PCDHB9: variants seen among roughly 807,000 people sequenced by gnomAD.
PCDHB9 encodes protocadherin beta 9, also known as protocadherin beta-9.
For missense variants in PCDHB9, 1,072 were observed against 995.1 expected, an observed-to-expected ratio of 1.08 and a Z score of -1.04; for synonymous variants, 501 against 439.7, an observed-to-expected ratio of 1.14 and a Z score of -1.75.
rs781941645 is a variant in PCDHB9 at position 141,189,232 on chromosome 5, C to G, written c.1914C>G (p.His638Gln). ...RLLSERDAAK[H>Q]RLVVLVKDNG... The stretch of plus-strand genomic sequence containing the variant: ...TGAGCGAGCGCGACGCGGCCAAGCA[C>G]AGGCTGGTGGTGCTTGTCAAGGACA... The change falls in exon 1 of 1, where the codon CAC (histidine) becomes CAG (glutamine). Residue 638 changes from histidine to glutamine, a missense_variant. His to Gln is a conservative substitution (Grantham distance 24). Transcript: ENST00000316105. 1.6e-4 allele frequency: 265 copies of G among 1,606,796 alleles called. 2 individuals are homozygous for G. Among genetic ancestry groups the G allele is most frequent in the South Asian group, 9.0e-4 (82 of 90,982 alleles).
rs868982093 is a variant in PCDHB9 at position 141,189,976 on chromosome 5, A to C, written c.*264A>C. ...TTGGTCGTTTTAAATGTCTTTATTG[A>C]CTTTAAATTCATTGCCTCTACATTA... On this transcript the variant is annotated 3_prime_UTR_variant, in exon 1 of 1. Coordinates refer to ENST00000316105, the MANE Select transcript of PCDHB9 (RefSeq NM_019119.5). The C allele has an allele frequency of 3.0e-6, 1 of 338,826 alleles. No individual in the cohort carries two copies. The highest frequency in any genetic ancestry group is 5.3e-6 in the Non-Finnish European group (1 of 189,228). The allele number at this position is 338,826 out of a possible 1,614,324, so 21.0% of individuals were successfully genotyped here.
In PCDHB9 at chr5:141,189,634, C is replaced by A; in HGVS notation, c.2316C>A (p.Pro772=). The A allele has an allele frequency of 6.2e-7, 1 of 1,614,080 alleles. No individual in the cohort carries two copies. Residue 772 remains proline (P), a synonymous_variant, in exon 1 of 1, where the codon CCC becomes CCA. Coordinates refer to ENST00000316105, the MANE Select transcript of PCDHB9 (RefSeq NM_019119.5). ...GEFKFLKPIT[P]HLPPHRGGKE... The stretch of plus-strand genomic sequence containing the variant: ...TCAAGTTCTTGAAGCCGATTACCCC[C>A]CACCTCCCGCCCCATAGGGGTGGGA...
At position 141,190,758 on chromosome 5, in the gene PCDHB9, C is replaced by T. The variant is rs944617757; in HGVS notation, c.*1046C>T. ...AAACAAATCAGAGGTTCCTGAGGTT[C>T]CTGTTAAATTTTTAATGGCTAATAG... On this transcript the variant is annotated 3_prime_UTR_variant, in exon 1 of 1. Coordinates refer to ENST00000316105, the MANE Select transcript of PCDHB9 (RefSeq NM_019119.5). The T allele has an allele frequency of 6.6e-6, 1 of 151,748 alleles. No individual in the cohort carries two copies. Among genetic ancestry groups the T allele is most frequent in the South Asian group, 2.1e-4 (1 of 4,818 alleles). 9.4% of individuals were successfully genotyped at this position (151,748 alleles called of 1,614,324 possible).
Position 141,188,748 on chromosome 5 carries a change from A to G in PCDHB9, c.1430A>G (p.Asp477Gly), listed in dbSNP as rs781941871. The change falls in exon 1 of 1, where the codon GAC becomes GGC. Residue 477 changes from aspartate to glycine, a missense_variant. By Grantham distance (94) the Asp-to-Gly change is moderately conservative (BLOSUM62 -1). Coordinates refer to ENST00000316105, the MANE Select transcript of PCDHB9 (RefSeq NM_019119.5). ...ALHIGSVSAT[D>G]RDSGTNAQVT... ...CACATCGGCAGTGTCAGCGCCACAG[A>G]CAGAGACTCAGGCACCAACGCCCAG... 3 of 1,613,106 alleles carry G rather than the reference A, an allele frequency of 1.9e-6. No homozygotes were observed. The highest frequency in any genetic ancestry group is 2.5e-6 in the Non-Finnish European group (3 of 1,180,022).
At position 141,188,558 on chromosome 5, in the gene PCDHB9, A is replaced by G. The variant is rs10040383; in HGVS notation, c.1240A>G (p.Lys414Glu). Residue 414 changes from lysine to glutamate, a missense_variant, in exon 1 of 1, where the codon AAA becomes GAA. By Grantham distance (56) the Lys-to-Glu change is moderately conservative. Transcript: ENST00000316105. ...MTEGALDRES[K>E]AEYNITITVT... ...TGAAGGTGCACTGGACAGAGAGAGCAAAGCTGAGTACAACATCACCATCAC... is the reference window on the plus strand; with the variant it reads ...TGAAGGTGCACTGGACAGAGAGAGCGAAGCTGAGTACAACATCACCATCAC... 310,876 of 1,614,036 alleles carry G rather than the reference A, an allele frequency of 0.19. 33,378 individuals carry two copies. Among genetic ancestry groups the G allele is most frequent in the African/African-American group, 0.42 (31,118 of 74,956 alleles).
rs535867206 is a variant in PCDHB9, at chr5:141,191,249, C to T, written c.*1537C>T. 2 of 151,920 alleles carry T rather than the reference C, an allele frequency of 1.3e-5. No homozygotes were observed. Among genetic ancestry groups the T allele is most frequent in the South Asian group, 4.2e-4 (2 of 4,800 alleles). The allele number at this position is 151,920 out of a possible 1,614,324, so 9.4% of individuals were successfully genotyped here. A position where few individuals can be genotyped will look rare whatever the true frequency, so the allele number is the denominator to read the frequency against. On this transcript the variant is annotated 3_prime_UTR_variant, in exon 1 of 1. Transcript: ENST00000316105. ...AGCCTGGGCAATAAGAGCAAAACTC[C>T]ATCAAAATAAAATAAAATAAAATAT...
chr5:141,188,900 G>A lies in PCDHB9; in HGVS notation c.1582G>A (p.Asp528Asn), dbSNP rs368671656. The change falls in exon 1 of 1, where the codon GAC becomes AAC. Residue 528 changes from aspartate to asparagine, a missense_variant. Asp to Asn is a conservative substitution (Grantham distance 23, BLOSUM62 1). Transcript: ENST00000316105. ...GGACTACGAGGCCCTGCAGGCTTTC[G>A]ACTTCCGCGTGGGCGCCTCAGACCG... ...SLDYEALQAF[D>N]FRVGASDRGS... The A allele has an allele frequency of 2.6e-5, 42 of 1,612,300 alleles. No individual in the cohort carries two copies. In the Admixed American group the frequency reaches 6.5e-4, roughly 25 times the overall value.
chr5:141,188,435 A>G lies in PCDHB9; in HGVS notation c.1117A>G (p.Arg373Gly), dbSNP rs782562345. The part of the protein sequence containing the change: ...IVLAVFKIKD[R>G]DSGENGKTIC... ...ATTGGCTGTTTTTAAGATTAAAGAC[A>G]GAGACTCCGGAGAAAATGGAAAGAC... Residue 373 changes from arginine (R) to glycine (G), a missense_variant, in exon 1 of 1, where the codon AGA becomes GGA. Arg to Gly is a moderately radical substitution (Grantham distance 125, BLOSUM62 -2). Transcript: ENST00000316105. 1.2e-6 allele frequency: 2 copies of G among 1,614,160 alleles called. No homozygotes were observed. Among genetic ancestry groups the G allele is most frequent in the African/African-American group, 1.3e-5 (1 of 75,056 alleles).
chr5:141,191,222 C>G lies in PCDHB9; in HGVS notation c.*1510C>G, dbSNP rs1753896819. ...TGAGCCGAGATTGCACCATTGTACT[C>G]CAGCCTGGGCAATAAGAGCAAAACT... On this transcript the variant is annotated 3_prime_UTR_variant, in exon 1 of 1. Coordinates refer to ENST00000316105, the MANE Select transcript of PCDHB9 (RefSeq NM_019119.5). 1 of 151,888 alleles carries G rather than the reference C, an allele frequency of 6.6e-6. No homozygotes were observed. Among genetic ancestry groups the G allele is most frequent in the African/African-American group, 2.4e-5 (1 of 41,324 alleles). 9.4% of individuals were successfully genotyped at this position (151,888 alleles called of 1,614,324 possible).
rs1554282800 is a variant in PCDHB9, at chr5:141,187,504, G to T, written c.186G>T (p.Arg62Ser). 1.2e-6 allele frequency: 2 copies of T among 1,610,634 alleles called. No homozygotes were observed. The highest frequency in any genetic ancestry group is 2.2e-5 in the East Asian group (1 of 44,824). Residue 62 changes from arginine to serine, a missense_variant, in exon 1 of 1, where the codon AGG becomes AGT. Physicochemically the swap from Arg to Ser is moderately radical, Grantham distance 110. Coordinates refer to ENST00000316105, the MANE Select transcript of PCDHB9 (RefSeq NM_019119.5). ...TAGCAGAGGGGGAGCTGGCTGCAAG[G>T]GGAACCAGGGTGGTTTCCGATGATA... ...LGLAEGELAA[R>S]GTRVVSDDNK...
In PCDHB9 at chr5:141,189,265, G is replaced by A. The variant is rs1554283290; in HGVS notation, c.1947G>A (p.Glu649=). The A allele has an allele frequency of 1.2e-6, 2 of 1,607,824 alleles. No homozygotes were observed. The highest frequency in any genetic ancestry group is 2.2e-5 in the South Asian group (2 of 90,992). ...RLVVLVKDNG[E]PPRSATATLH... is the part of the protein sequence containing the mutation. Reference sequence around the variant, plus strand: ...TGGTGCTTGTCAAGGACAATGGCGAGCCTCCTCGCTCGGCCACCGCCACGC... The same window carrying A: ...TGGTGCTTGTCAAGGACAATGGCGAACCTCCTCGCTCGGCCACCGCCACGC... Residue 649 remains glutamate (E), a synonymous_variant, in exon 1 of 1, where the codon GAG becomes GAA. Transcript: ENST00000316105.
rs1753755647 is a variant in PCDHB9 at position 141,187,179 on chromosome 5, A to G, written c.-140A>G. 3 of 1,161,308 alleles carry G rather than the reference A, an allele frequency of 2.6e-6. No homozygotes were observed. The highest frequency in any genetic ancestry group is 2.5e-5 in the East Asian group (1 of 40,496). 71.9% of individuals were successfully genotyped at this position (1,161,308 alleles called of 1,614,324 possible). A position where few individuals can be genotyped will look rare whatever the true frequency, so the allele number is the denominator to read the frequency against. ...AGGAAACACTGAGACAGATGGGCTG[A>G]GAAGAAGAGCTGTCGAGTCCCTGAT... On this transcript the variant is annotated 5_prime_UTR_variant, in exon 1 of 1. An upstream open reading frame in the 5' UTR loses its in-frame stop. Transcript: ENST00000316105.
Position 141,187,286 on chromosome 5 carries a change from T to C in PCDHB9, c.-33T>C. 1 of 1,591,914 alleles carries C rather than the reference T, an allele frequency of 6.3e-7. No homozygotes were observed. Among genetic ancestry groups the C allele is most frequent in the Non-Finnish European group, 8.6e-7 (1 of 1,166,202 alleles). On this transcript the variant is annotated 5_prime_UTR_variant, in exon 1 of 1. Coordinates refer to ENST00000316105, the MANE Select transcript of PCDHB9 (RefSeq NM_019119.5). ...GATTGCTATTTGTGCTGGGGCAGTGTGATTGAGACTGACATTGAGGAAAGA... is the reference window on the plus strand; with the variant it reads ...GATTGCTATTTGTGCTGGGGCAGTGCGATTGAGACTGACATTGAGGAAAGA...
chr5:141,187,849 T>C lies in PCDHB9; in HGVS notation c.531T>C (p.Phe177=), dbSNP rs1312617830. The change falls in exon 1 of 1, where the codon TTT becomes TTC. Residue 177 remains phenylalanine (F), a synonymous_variant. Coordinates refer to ENST00000316105, the MANE Select transcript of PCDHB9 (RefSeq NM_019119.5). ...IQNYTISSNS[F]FHIKISGSDE... Reference sequence around the variant, plus strand: ...ACTACACGATCAGCTCCAACTCTTTTTTCCATATTAAAATTAGTGGCAGTG... The same window carrying C: ...ACTACACGATCAGCTCCAACTCTTTCTTCCATATTAAAATTAGTGGCAGTG... 46 of 1,614,082 alleles carry C rather than the reference T, an allele frequency of 2.8e-5. No homozygotes were observed. The highest frequency in any genetic ancestry group is 3.6e-5 in the Non-Finnish European group (43 of 1,180,036).
At position 141,188,177 on chromosome 5, in the gene PCDHB9, G is replaced by C; in HGVS notation, c.859G>C (p.Asp287His). 1.2e-6 allele frequency: 2 copies of C among 1,610,748 alleles called. No individual in the cohort carries two copies. Among genetic ancestry groups the C allele is most frequent in the Non-Finnish European group, 1.7e-6 (2 of 1,177,966 alleles). Residue 287 changes from aspartate (D) to histidine (H), a missense_variant, in exon 1 of 1, where the codon GAT (aspartate) becomes CAT (histidine). Transcript: ENST00000316105. Reference sequence around the variant, plus strand: ...CTATTCATTTTTTGATGCTTCTGAAGATATTTTAACAACGTTTCAAATCAA... The same window carrying C: ...CTATTCATTTTTTGATGCTTCTGAACATATTTTAACAACGTTTCAAATCAA... ...VSYSFFDASE[D>H]ILTTFQINPF...
In PCDHB9 at chr5:141,187,220, TA is replaced by T; in HGVS notation, c.-94del. ...AGTCCCTGATTGGGAAAGGAAAAAT[TA>T]AAAACCCTAGATCTCTGGTACACAT... On this transcript the variant is annotated 5_prime_UTR_variant, in exon 1 of 1. Coordinates refer to ENST00000316105, the MANE Select transcript of PCDHB9 (RefSeq NM_019119.5). 7.4e-7 allele frequency: 1 copy of T among 1,351,360 alleles called. No homozygotes were observed. Among genetic ancestry groups the T allele is most frequent in the Non-Finnish European group, 1.0e-6 (1 of 985,034 alleles). The allele number at this position is 1,351,360 out of a possible 1,614,324, so 83.7% of individuals were successfully genotyped here.
Position 141,187,560 on chromosome 5 carries a change from C to T in PCDHB9, c.242C>T (p.Thr81Ile), listed in dbSNP as rs1490021483. 1.2e-6 allele frequency: 2 copies of T among 1,608,616 alleles called. No individual in the cohort carries two copies. The highest frequency in any genetic ancestry group is 1.7e-6 in the Non-Finnish European group (2 of 1,175,920). ...NKQYLLLDSH[T>I]GNLLTNEKLD... ...CAATACCTGCTCCTGGATTCACATACCGGGAATTTGCTCACAAATGAGAAA... is the reference window on the plus strand; with the variant it reads ...CAATACCTGCTCCTGGATTCACATATCGGGAATTTGCTCACAAATGAGAAA... The change falls in exon 1 of 1, where the codon ACC (threonine) becomes ATC (isoleucine). Residue 81 changes from threonine (T) to isoleucine (I), a missense_variant. Thr to Ile is a moderately conservative substitution (Grantham distance 89, BLOSUM62 -1). Transcript: ENST00000316105.
chr5:141,189,694 C>G lies in PCDHB9; in HGVS notation c.2376C>G (p.Ser792Arg). Reference protein sequence around the residue: ...EIEENSTLPNSFGFNY With the variant: ...EIEENSTLPNRFGFNY ...AGGAAAATTCTACTCTCCCCAATAG[C>G]TTTGGATTTAATTATTGAAAGGAAC... Residue 792 changes from serine (S) to arginine (R), a missense_variant, in exon 1 of 1, where the codon AGC becomes AGG. Physicochemically the swap from Ser to Arg is moderately radical, Grantham distance 110. Coordinates refer to ENST00000316105, the MANE Select transcript of PCDHB9 (RefSeq NM_019119.5). 1 of 1,587,450 alleles carries G rather than the reference C, an allele frequency of 6.3e-7. No individual in the cohort carries two copies. Among genetic ancestry groups the G allele is most frequent in the Non-Finnish European group, 8.6e-7 (1 of 1,167,174 alleles).
At position 141,188,950 on chromosome 5, in the gene PCDHB9, G is replaced by A; in HGVS notation, c.1632G>A (p.Glu544=). ...SDRGSPALSS[E]ALVRVLVLDA... is the part of the protein sequence containing the mutation. Reference sequence around the variant, plus strand: ...GCGGCTCCCCGGCTTTGAGCAGCGAGGCGCTGGTGCGCGTACTGGTGCTGG... The same window carrying A: ...GCGGCTCCCCGGCTTTGAGCAGCGAAGCGCTGGTGCGCGTACTGGTGCTGG... Residue 544 remains glutamate (E), a synonymous_variant, in exon 1 of 1, where the codon GAG becomes GAA. Transcript: ENST00000316105. The A allele has an allele frequency of 8.1e-6, 13 of 1,611,910 alleles. No homozygotes were observed. Among genetic ancestry groups the A allele is most frequent in the Non-Finnish European group, 9.3e-6 (11 of 1,179,800 alleles).
Sources: allele counts gnomAD v4.1 joint callset, GRCh38; gene constraint gnomAD v4.1.1; transcripts MANE v1.5; gene names NCBI Gene and HGNC (gene_info 2026-07-23, HGNC 2026-07-21).